The following IRAG1 variants were observed in gnomAD, a reference collection of about 807,000 sequenced individuals.
IRAG1 encodes the protein inositol 1,4,5-triphosphate receptor associated 1.
In IRAG1, 62 loss-of-function variants were observed where a neutral mutation model predicts 106.2. The ratio of observed to expected loss-of-function variants is 0.58; its 90% CI spans 0.48 to 0.72. IRAG1 has a LOEUF of 0.72. Among genes scored for constraint, IRAG1 ranks in the 30% least tolerant of loss-of-function variants. The pLI is 0.00. For missense variants in IRAG1, 1,064 were observed against 1,140.7 expected (o/e 0.93, Z 0.97); for synonymous variants, 462 against 443.9 (o/e 1.04, Z -0.51).
At chr11:10,661,813 G>T (rs1859426470) in intron 1 of IRAG1, among the ~76,000 whole-genome samples, 1 of 152,100 alleles carries the variant, frequency 6.6e-6, no homozygotes, top group Non-Finnish European at 1.5e-5. Flanking sequence ...AGGCCCTTTT[G>T]CCATTTAAGG....
At chr11:10,680,236 A>G (rs116988594) in intron 1 of IRAG1, among the ~76,000 whole-genome samples, 3,903 of 146,720 alleles carry the variant, frequency 0.027, 69 homozygotes, top group Middle Eastern at 0.063. Flanking sequence ...TTACACCACT[A>G]CACTCCAGTC....
chr11:10,602,829 G>C (rs1273921680), intron 14 of IRAG1, among the ~76,000 whole-genome samples: 1 of 152,164 alleles, frequency 6.6e-6, no homozygotes, highest in Non-Finnish European at 1.5e-5. Context: ...TCCACCACAG[G>C]AGTTACCAAA....
At chr11:10,636,792 G>C (rs77307014) in intron 2 of IRAG1, among the ~76,000 whole-genome samples, 2,445 of 152,294 alleles carry the variant, frequency 0.016, 22 homozygotes, top group Non-Finnish European at 0.023. Context: ...ATTTGAGCTA[G>C]GTCTTGAAGG....
intron 1 of IRAG1, among the ~76,000 whole-genome samples, chr11:10,653,262 G>A (rs907549304): frequency 5.3e-5 from 8 of 152,220 alleles, no homozygotes; most frequent in Non-Finnish European, 1.0e-4. Context: ...GAAGGGACCT[G>A]CAGAGAAACA....
chr11:10,649,370 A>G (rs1258211995), intron 2 of IRAG1, among the ~76,000 whole-genome samples: 2 of 152,178 alleles, frequency 1.3e-5, no homozygotes, highest in Non-Finnish European at 2.9e-5. Flanking sequence ...CCCTCAGGCT[A>G]TAGAAGGCAC....
chr11:10,613,780 A>G (rs1855172009), intron 10 of IRAG1, among the ~76,000 whole-genome samples: 2 of 152,294 alleles, frequency 1.3e-5, no homozygotes, highest in Non-Finnish European at 2.9e-5. Flanking sequence ...AGTAGGTACC[A>G]TTGTAGTGAC....
intron 11 of IRAG1, among the ~76,000 whole-genome samples, chr11:10,607,536 G>T (rs1854577159): frequency 6.6e-6 from 1 of 152,218 alleles, no homozygotes; most frequent in African/African-American, 2.4e-5. Context: ...TGCTGCTCTT[G>T]CTGGTAACTA....
In IRAG1 at chr11:10,606,770, G is replaced by A; in HGVS notation, c.1574C>T (p.Ala525Val). 1.3e-6 allele frequency: 2 copies of A among 1,587,054 alleles called. No individual in the cohort carries two copies. Among genetic ancestry groups the A allele is most frequent in the Non-Finnish European group, 8.6e-7 (1 of 1,165,690 alleles). The stretch of plus-strand genomic sequence containing the variant: ...AACTTCCTTTTCAGTGAGTGGAGGG[G>A]CACTGTGAAAAAGAAAACACACAAT... ...LRVHRSLPGS[A>V]PPLTEKEVEN... Residue 525 changes from alanine to valine, a missense_variant and splice_region_variant, in exon 12 of 21, where the codon GCC becomes GTC. Ala to Val is a moderately conservative substitution (Grantham distance 64, BLOSUM62 0). Coordinates refer to ENST00000423302, the MANE Select transcript of IRAG1 (RefSeq NM_130385.4).
chr11:10,622,378 G>A (rs1855900490), intron 10 of IRAG1, among the ~76,000 whole-genome samples: 1 of 152,132 alleles, frequency 6.6e-6, no homozygotes, highest in South Asian at 2.1e-4. Flanking sequence ...CAGGAGCCTG[G>A]CCTGTTGGAA....
At chr11:10,653,305 C>T (rs1858670415) in intron 1 of IRAG1, among the ~76,000 whole-genome samples, 1 of 152,196 alleles carries the variant, frequency 6.6e-6, no homozygotes, top group Admixed American at 6.5e-5. Flanking sequence ...GTGCCTGAAG[C>T]CTGAACACTT....
chr11:10,587,126 T>C (rs575366076), intron 18 of IRAG1, among the ~76,000 whole-genome samples: 194 of 152,330 alleles, frequency 1.3e-3, no homozygotes, highest in African/African-American at 4.5e-3. Context: ...GCTTTCTTTC[T>C]GGGATGATTC....
chr11:10,687,677 C>T, intron 1 of IRAG1: 1 of 1,286,202 alleles, frequency 7.8e-7, no homozygotes, highest in Non-Finnish European at 1.0e-6. Flanking sequence ...GAGAGGAAGT[C>T]CACCACTCTC....
chr11:10,651,898 G>T, intron 2 of IRAG1, 127 bp downstream of exon 2: 1 of 1,138,270 alleles, frequency 8.8e-7, no homozygotes, highest in South Asian at 1.6e-5. Context: ...ACCTTCTCCA[G>T]GTACCCACTG....
At chr11:10,679,317 C>A (rs1860958079) in intron 1 of IRAG1, among the ~76,000 whole-genome samples, 2 of 151,410 alleles carry the variant, frequency 1.3e-5, no homozygotes, top group South Asian at 4.2e-4. Context: ...TTTCATCATC[C>A]CAAATGGAAA....
rs1466855633 is a variant in IRAG1, at chr11:10,628,147, G to A, written c.653-122C>T. The A allele has an allele frequency of 4.6e-6, 5 of 1,076,132 alleles. No homozygotes were observed. Among genetic ancestry groups the A allele is most frequent in the Non-Finnish European group, 7.0e-6 (5 of 712,986 alleles). The allele number at this position is 1,076,132 out of a possible 1,614,324, so 66.7% of individuals were successfully genotyped here. On this transcript the variant is annotated intron_variant, in intron 6 of 20. Coordinates refer to ENST00000423302, the MANE Select transcript of IRAG1 (RefSeq NM_130385.4). This position sits in a 1 kb window ranked among gnomAD's most constrained non-coding sequence, Gnocchi z 4.1. ...CAATCTCAGGCCTGGAAGATTTGCT[G>A]ACTACCTCCCGTGTGCCAGGTTCTC... is the stretch of plus-strand genomic sequence containing the variant.
At chr11:10,611,905 A>T (rs72862367) in intron 10 of IRAG1, among the ~76,000 whole-genome samples, 5,634 of 152,162 alleles carry the variant, frequency 0.037, 180 homozygotes, top group Non-Finnish European at 0.053. Flanking sequence ...TCGAAGAGAG[A>T]AAAAACTGCC....
intron 13 of IRAG1, 27 bp from the exon 14 acceptor site, chr11:10,603,278 G>A: frequency 1.6e-5 from 25 of 1,610,842 alleles, no homozygotes; most frequent in Non-Finnish European, 2.0e-5. Flanking sequence ...GCATCACCTG[G>A]GGTCCTCAAA....
intron 2 of IRAG1, among the ~76,000 whole-genome samples, chr11:10,644,580 G>A (rs962748899): frequency 5.9e-4 from 90 of 152,276 alleles, no homozygotes; most frequent in African/African-American, 2.0e-3. Flanking sequence ...CATCATGCCT[G>A]TGTCTTGGAG....
chr11:10,604,967 T>C (rs539780581), intron 12 of IRAG1, among the ~76,000 whole-genome samples: 18 of 152,300 alleles, frequency 1.2e-4, no homozygotes, highest in Non-Finnish European at 1.9e-4. Flanking sequence ...TGAAAGAAAC[T>C]CCATGTGAGA....
Sources: gnomAD v4.1 joint callset for allele counts (sites outside exome capture counted in the v4.1 genomes callset) on GRCh38, gnomAD v4.1.1 for gene constraint, Gnocchi (gnomAD v3.1) non-coding constraint, MANE v1.5 for transcripts, NCBI Gene and HGNC (gene_info 2026-07-23, HGNC 2026-07-21) for gene names.